Variants in PSTPIP1 observed in about 807,000 individuals in gnomAD.
PSTPIP1 encodes the protein proline-serine-threonine phosphatase interacting protein 1.
A neutral mutation model predicts 69.6 loss-of-function variants in PSTPIP1; 66 were observed. The ratio of observed to expected loss-of-function variants is 0.95; its 90% confidence interval spans 0.78 to 1.16. The LOEUF is 1.16. PSTPIP1 is among the 50% of genes most tolerant of loss of function. The pLI, the probability that PSTPIP1 is intolerant of heterozygous loss-of-function variation, is 0.00. For missense variants in PSTPIP1, 603 were observed against 557.4 expected (o/e 1.08, Z -0.82); for synonymous variants, 266 against 222.7 (o/e 1.19, Z -1.73).
In PSTPIP1 at chr15:77,032,913, G is replaced by A. The variant is rs753889391; in HGVS notation, c.890G>A (p.Ser297Asn). 1 of 1,605,488 alleles carries A rather than the reference G, an allele frequency of 6.2e-7. No homozygotes were observed. Among genetic ancestry groups the A allele is most frequent in the South Asian group, 1.1e-5 (1 of 89,608 alleles). The change falls in exon 12 of 15, where the codon AGC becomes AAC. Residue 297 changes from serine to asparagine, a missense_variant. By Grantham distance (46) the Ser-to-Asn change is conservative (BLOSUM62 1). Transcript: ENST00000558012. Reference protein sequence around the residue: ...YYDREVTPLTSSPGIQPSCGM... With the variant: ...YYDREVTPLTNSPGIQPSCGM... ...GATCGGGAGGTCACCCCGCTGACCA[G>A]CAGCCCTGGCATACAGCCGTCCTGC... is the stretch of plus-strand genomic sequence containing the variant.
intron 1 of PSTPIP1, among the ~76,000 whole-genome samples, chr15:77,000,837 G>A (rs912708660): frequency 1.3e-5 from 2 of 152,002 alleles, no homozygotes; most frequent in African/African-American, 4.8e-5. Flanking sequence ...CACCATGCAC[G>A]GCCCTCCCTC....
At chr15:77,010,600 G>A (rs1186495989) in intron 1 of PSTPIP1, among the ~76,000 whole-genome samples, 1 of 152,020 alleles carries the variant, frequency 6.6e-6, no homozygotes, top group Non-Finnish European at 1.5e-5. Context: ...TCTACCTCTG[G>A]CCGCCTTGTG....
At chr15:77,017,472 C>T (rs147835091) in intron 1 of PSTPIP1, among the ~76,000 whole-genome samples, 6 of 152,192 alleles carry the variant, frequency 3.9e-5, no homozygotes, top group Non-Finnish European at 7.3e-5. Flanking sequence ...GGTGTGCTTG[C>T]GCATGCTCTG....
At chr15:77,036,077 T>C (rs1291752150) in intron 14 of PSTPIP1, 142 bp downstream of exon 14, 2 of 1,130,676 alleles carry the variant, frequency 1.8e-6, no homozygotes, top group African/African-American at 1.6e-5. Flanking sequence ...GGAGGGCACG[T>C]GTGCCCGAGT....
chr15:77,011,146 C>T (rs2075927073), intron 1 of PSTPIP1, among the ~76,000 whole-genome samples: 1 of 152,258 alleles, frequency 6.6e-6, no homozygotes, highest in African/African-American at 2.4e-5. Context: ...CCAGACGCCC[C>T]ACAACATTAG....
intron 12 of PSTPIP1, among the ~76,000 whole-genome samples, chr15:77,034,868 A>G (rs532500643): frequency 1.3e-5 from 2 of 152,324 alleles, no homozygotes; most frequent in African/African-American, 4.8e-5. Flanking sequence ...GTAAACCTTC[A>G]TGACCCCAGC....
intron 11 of PSTPIP1, chr15:77,032,596 C>CA (rs1568521280): frequency 1.6e-6 from 1 of 637,712 alleles, no homozygotes; most frequent in Admixed American, 2.9e-5. Flanking sequence ...TGATGGCACT[C>CA]AGAGGAAGAG....
chr15:77,009,550 G>A (rs544189322), intron 1 of PSTPIP1, among the ~76,000 whole-genome samples: 1 of 152,344 alleles, frequency 6.6e-6, no homozygotes, highest in African/African-American at 2.4e-5. Context: ...ATCAAACCCA[G>A]TTCTCCTTGT....
At chr15:77,032,585 A>T in intron 11 of PSTPIP1, 191 bp downstream of exon 11, 1 of 645,902 alleles carries the variant, frequency 1.5e-6, no homozygotes, top group Non-Finnish European at 2.7e-6. Context: ...AGCTAAGGGC[A>T]TGATGGCACT....
Position 76,998,326 on chromosome 15 carries a change from C to T in PSTPIP1, c.36+2717C>T, listed in dbSNP as rs545694054. 1.2e-3 allele frequency among the ~76,000 whole-genome samples: 187 copies of T among 152,230 alleles called. 1 individual carries two copies. The highest frequency in any genetic ancestry group is 3.6e-3 in the African/African-American group (148 of 41,540). On this transcript the variant is annotated intron_variant, in intron 1 of 14. Coordinates refer to ENST00000558012, the MANE Select transcript of PSTPIP1 (RefSeq NM_003978.5). ...AACCTCACCCATACAGAACACGGGG[C>T]GGAGGAGGGGAGCCAGCCCTGCTGT...
intron 1 of PSTPIP1, among the ~76,000 whole-genome samples, chr15:76,998,718 G>A (rs1353523662): frequency 6.6e-6 from 1 of 152,212 alleles, no homozygotes; most frequent in Non-Finnish European, 1.5e-5. Flanking sequence ...AAGTAGTGGG[G>A]ACACTCAGCA....
At chr15:77,034,417 C>A (rs1005291162) in intron 12 of PSTPIP1, among the ~76,000 whole-genome samples, 5 of 152,274 alleles carry the variant, frequency 3.3e-5, no homozygotes, top group South Asian at 2.1e-4. Context: ...ACTCCTGGGG[C>A]CTTGGCCCTC....
At chr15:77,025,477 G>C in intron 4 of PSTPIP1, 21 bp from the exon 5 acceptor site, 3 of 1,571,630 alleles carry the variant, frequency 1.9e-6, no homozygotes, top group Non-Finnish European at 2.6e-6. Flanking sequence ...CTGGGGACCA[G>C]TATCCATGCT....
intron 1 of PSTPIP1, among the ~76,000 whole-genome samples, chr15:76,997,679 A>G (rs904057970): frequency 6.6e-6 from 1 of 152,086 alleles, no homozygotes; most frequent in Non-Finnish European, 1.5e-5. Flanking sequence ...CTGACATATC[A>G]CTGGATCTTT....
intron 11 of PSTPIP1, 162 bp from the exon 12 acceptor site, chr15:77,032,700 A>G: frequency 1.5e-6 from 1 of 655,910 alleles, no homozygotes; most frequent in East Asian, 2.7e-5. Flanking sequence ...TTAGGTCTTG[A>G]TGGTACCTAC....
chr15:77,035,629 T>C, intron 13 of PSTPIP1, 66 bp downstream of exon 13: 1 of 1,514,220 alleles, frequency 6.6e-7, no homozygotes, highest in Non-Finnish European at 8.9e-7. Context: ...GTCTCCCACA[T>C]GGCACAGATG....
At chr15:77,000,253 C>G (rs2075669758) in intron 1 of PSTPIP1, among the ~76,000 whole-genome samples, 1 of 152,162 alleles carries the variant, frequency 6.6e-6, no homozygotes, top group Non-Finnish European at 1.5e-5. Context: ...CTATGTGGCA[C>G]TCAGCCACTG....
intron 3 of PSTPIP1, among the ~76,000 whole-genome samples, 190 bp downstream of exon 3, chr15:77,018,721 G>T (rs1489879992): frequency 6.6e-6 from 1 of 152,124 alleles, no homozygotes; most frequent in African/African-American, 2.4e-5. Flanking sequence ...AAGCCCGAGG[G>T]TCTGAGTTCT....
At chr15:77,030,440 C>A in intron 8 of PSTPIP1, 62 bp from the exon 9 acceptor site, 1 of 1,540,302 alleles carries the variant, frequency 6.5e-7, no homozygotes, top group Non-Finnish European at 8.9e-7. Flanking sequence ...ATGGGACCTG[C>A]TGGAGTACAG....
Sources: allele counts gnomAD v4.1 joint callset (sites outside exome capture counted in the v4.1 genomes callset), GRCh38; gene constraint gnomAD v4.1.1; transcripts MANE v1.5; gene names NCBI Gene and HGNC (gene_info 2026-07-23, HGNC 2026-07-21).